The following PDE1A variants were observed in gnomAD, a reference collection of about 807,000 sequenced individuals.
The protein encoded by PDE1A is phosphodiesterase 1A.
Under a neutral mutation model 61.7 loss-of-function variants are expected in PDE1A, and 35 were observed. The ratio of observed to expected loss-of-function variants is 0.57; its 90% CI spans 0.43 to 0.75. The LOEUF is 0.75. Among genes scored for constraint, PDE1A ranks in the 30% least tolerant of loss-of-function variants. The pLI, the probability that PDE1A is intolerant of heterozygous loss-of-function variation, is 0.00. For synonymous variants in PDE1A, 232 were observed against 213.2 expected (o/e 1.09, Z -0.77); for missense variants, 597 against 630.6 (o/e 0.95, Z 0.57).
rs1443207723 is a variant in PDE1A at position 182,437,770 on chromosome 2, T to C, written c.101+84506A>G. Among the ~76,000 whole-genome samples the C allele has an allele frequency of 2.0e-5, 3 of 151,926 alleles. No individual in the cohort carries two copies. The South Asian group carries it at 6.2e-4, about 31-fold the overall frequency. ...GATTCACTTTGATTCTTTCTCTCTG[T>C]TTCTTACAATCATTTTATATTTTTA... On this transcript the variant is annotated intron_variant, in intron 2 of 14. Transcript: ENST00000410103.
chr2:182,479,764 T>C (rs1292265528), intron 2 of PDE1A, among the ~76,000 whole-genome samples: 1 of 151,922 alleles, frequency 6.6e-6, no homozygotes, highest in East Asian at 1.9e-4. Flanking sequence ...TAGTAATTAT[T>C]GTACTATATA....
In PDE1A at chr2:182,452,326, A is replaced by T. The variant is rs984505445; in HGVS notation, c.101+69950T>A. On this transcript the variant is annotated intron_variant, in intron 2 of 14. Transcript: ENST00000410103. ...CCATTTGAATTTCAATCCAAGCAGC[A>T]TATTTTACATGCACCTGAAGGAAAT... Among the ~76,000 whole-genome samples, 39 of 152,052 alleles carry T rather than the reference A, an allele frequency of 2.6e-4. 1 individual carries two copies. The highest frequency in any genetic ancestry group is 9.4e-4 in the African/African-American group (39 of 41,416).
intron 1 of PDE1A, among the ~76,000 whole-genome samples, chr2:182,282,707 TA>T (rs1164002274): frequency 6.6e-6 from 1 of 152,058 alleles, no homozygotes; most frequent in African/African-American, 2.4e-5. Context: ...TTAATTTGTT[TA>T]TTTTTTTGCA....
intron 2 of PDE1A, among the ~76,000 whole-genome samples, chr2:182,447,431 A>T (rs1356786631): frequency 6.6e-6 from 1 of 152,074 alleles, no homozygotes; most frequent in East Asian, 1.9e-4. Context: ...TTACCAGCTC[A>T]GTTCATGAGG....
At chr2:182,203,589 T>C (rs999673122) in intron 8 of PDE1A, among the ~76,000 whole-genome samples, 5 of 152,124 alleles carry the variant, frequency 3.3e-5, no homozygotes, top group African/African-American at 1.2e-4. Context: ...TTTAAGGAAA[T>C]CAATAGAATC....
intron 10 of PDE1A, among the ~76,000 whole-genome samples, chr2:182,191,472 T>C (rs1574630792): frequency 6.6e-6 from 1 of 152,164 alleles, no homozygotes; most frequent in East Asian, 1.9e-4. Context: ...ATATTAGAGA[T>C]GCTTATTTAA....
At chr2:182,288,537 T>C (rs1694315980) in intron 1 of PDE1A, among the ~76,000 whole-genome samples, 1 of 152,088 alleles carries the variant, frequency 6.6e-6, no homozygotes, top group South Asian at 2.1e-4. Flanking sequence ...CTGGCAAATC[T>C]ACCCAGAATT....
At chr2:182,357,239 A>G (rs1008189435) in intron 1 of PDE1A, among the ~76,000 whole-genome samples, 2 of 152,066 alleles carry the variant, frequency 1.3e-5, no homozygotes, top group Non-Finnish European at 2.9e-5. Context: ...TAAAGATTCA[A>G]TGAACTACAG....
intron 6 of PDE1A, among the ~76,000 whole-genome samples, chr2:182,225,718 G>A (rs1689089924): frequency 1.3e-5 from 2 of 150,564 alleles, no homozygotes; most frequent in African/African-American, 2.5e-5. Context: ...TTGTCATATG[G>A]TAAAATAAAG....
chr2:182,310,966 A>G (rs1695928684), intron 1 of PDE1A, among the ~76,000 whole-genome samples: 1 of 152,152 alleles, frequency 6.6e-6, no homozygotes, highest in Non-Finnish European at 1.5e-5. Flanking sequence ...CTCTGCTTCC[A>G]TATCTTTCTT....
At chr2:182,710,072 T>C in the PDE1A span, among the ~76,000 whole-genome samples, 2 of 152,172 alleles carry the variant, frequency 1.3e-5, no homozygotes, top group Admixed American at 6.5e-5. Context: ...AAGTTTTGTA[T>C]TTTTAGCAGA....
At chr2:182,689,653 G>C in the PDE1A span, among the ~76,000 whole-genome samples, 14 of 152,290 alleles carry the variant, frequency 9.2e-5, no homozygotes, top group African/African-American at 2.2e-4. Flanking sequence ...TCAAAAGTTA[G>C]CAGAAGGCAA....
intron 2 of PDE1A, among the ~76,000 whole-genome samples, chr2:182,520,375 T>C (rs1446195500): frequency 6.6e-6 from 1 of 151,922 alleles, no homozygotes; most frequent in African/African-American, 2.4e-5. Flanking sequence ...TTTAGTCAGT[T>C]AGATAATGAT....
chr2:182,684,586 T>C, the PDE1A span, among the ~76,000 whole-genome samples: 1 of 152,134 alleles, frequency 6.6e-6, no homozygotes, highest in African/African-American at 2.4e-5. Context: ...AGTCTTGCTA[T>C]GTCACCCAGG....
At chr2:182,515,293 G>T (rs1190256203) in intron 2 of PDE1A, among the ~76,000 whole-genome samples, 1 of 152,146 alleles carries the variant, frequency 6.6e-6, no homozygotes, top group Non-Finnish European at 1.5e-5. Flanking sequence ...AGGAACAGTA[G>T]CTTCTGTGTC....
At chr2:182,585,323 G>T in the PDE1A span, among the ~76,000 whole-genome samples, 1 of 152,070 alleles carries the variant, frequency 6.6e-6, no homozygotes, top group Non-Finnish European at 1.5e-5. Flanking sequence ...AGTGTATTTT[G>T]GGAGTCTCAC....
chr2:182,437,270 C>A (rs79061046), intron 2 of PDE1A, among the ~76,000 whole-genome samples: 31 of 151,916 alleles, frequency 2.0e-4, no homozygotes, highest in African/African-American at 7.5e-4. Context: ...ATATCCCCAA[C>A]GTACAGAATG....
chr2:182,323,821 GATTTCC>G (rs980929717), intron 1 of PDE1A, among the ~76,000 whole-genome samples: 1 of 152,178 alleles, frequency 6.6e-6, no homozygotes, highest in African/African-American at 2.4e-5. Context: ...GCTTCCAAGG[GATTTCC>G]ACCAGAAGCC....
At chr2:182,642,690 C>A in the PDE1A span, among the ~76,000 whole-genome samples, 2 of 152,146 alleles carry the variant, frequency 1.3e-5, no homozygotes, top group African/African-American at 4.8e-5. Context: ...TATACATTTT[C>A]TTTTTCACTT....
Sources: gnomAD v4.1 joint callset for allele counts (sites outside exome capture counted in the v4.1 genomes callset) on GRCh38, gnomAD v4.1.1 for gene constraint, MANE v1.5 for transcripts, NCBI Gene and HGNC (gene_info 2026-07-23, HGNC 2026-07-21) for gene names.